The following CARF variants were observed in gnomAD, a reference collection of about 807,000 sequenced individuals.
The protein encoded by CARF is calcium-responsive transcription factor.
CARF carries 57 observed loss-of-function variants against 82.0 expected under a neutral mutation model. The ratio of observed to expected loss-of-function variants is 0.70; its 90% CI spans 0.56 to 0.87. The LOEUF is 0.87. Ranked by LOEUF, CARF falls within the 40% of genes least tolerant of loss-of-function variation. The pLI, the probability that CARF is intolerant of heterozygous loss-of-function variation, is 0.00. For synonymous variants in CARF, 268 were observed against 290.1 expected (o/e 0.92, Z 0.77); for missense variants, 771 against 855.8 (o/e 0.90, Z 1.24).
Position 202,986,887 on chromosome 2 carries a change from T to TGTATAC in CARF, c.*3263_*3264insGTATAC, listed in dbSNP as rs1553584599. 1 of 89,546 alleles carries TGTATAC rather than the reference T, an allele frequency of 1.1e-5. No individual in the cohort carries two copies. Among genetic ancestry groups the TGTATAC allele is most frequent in the South Asian group, 3.2e-4 (1 of 3,130 alleles). 5.5% of individuals were successfully genotyped at this position (89,546 alleles called of 1,614,324 possible). A position where few individuals can be genotyped will look rare whatever the true frequency, so the allele number is the denominator to read the frequency against. On this transcript the variant is annotated 3_prime_UTR_variant, in exon 17 of 17. Transcript: ENST00000438828. ...CTGTGCGTATATATATATATATATATATATATATATATATATATATAGCAA... is the reference window on the plus strand; with the variant it reads ...CTGTGCGTATATATATATATATATATGTATACATATATATATATATATATATAGCAA...
In CARF at chr2:202,942,946, G is replaced by A. The variant is rs1461661422; in HGVS notation, c.285G>A (p.Leu95=). 1 of 1,613,892 alleles carries A rather than the reference G, an allele frequency of 6.2e-7. No individual in the cohort carries two copies. The highest frequency in any genetic ancestry group is 1.7e-5 in the Admixed American group (1 of 59,972). The change falls in exon 5 of 17, where the codon TTG becomes TTA. Residue 95 remains leucine (L), a synonymous_variant. Coordinates refer to ENST00000438828, the MANE Select transcript of CARF (RefSeq NM_024744.17). ...CTATTCAATATGAACTTCAGTCATTGGGGGAATCCAATGCACAAATGGTGA... is the reference window on the plus strand; with the variant it reads ...CTATTCAATATGAACTTCAGTCATTAGGGGAATCCAATGCACAAATGGTGA... ...GQAIQYELQS[L]GESNAQMMIV... is the part of the protein sequence containing the mutation.
chr2:202,929,279 T>C (rs1296846554), intron 3 of CARF, among the ~76,000 whole-genome samples: 1 of 152,214 alleles, frequency 6.6e-6, no homozygotes, highest in Non-Finnish European at 1.5e-5. Flanking sequence ...CCTGAAGCAT[T>C]ACCCCTGTGT....
intron 16 of CARF, among the ~76,000 whole-genome samples, chr2:202,982,961 C>T (rs2060327202): frequency 6.6e-6 from 1 of 152,204 alleles, no homozygotes; most frequent in African/African-American, 2.4e-5. Flanking sequence ...TCACAGGTCA[C>T]TGCAGCCTTG....
chr2:202,941,922 C>T lies in CARF; in HGVS notation c.20C>T (p.Ser7Leu). The change falls in exon 4 of 17, where the codon TCA becomes TTA. Residue 7 changes from serine (S) to leucine (L), a missense_variant. By Grantham distance (145) the Ser-to-Leu change is moderately radical. Coordinates refer to ENST00000438828, the MANE Select transcript of CARF (RefSeq NM_024744.17). Reference sequence around the variant, plus strand: ...GTCAGCATGGAACAATCTAATGATTCATTAAGAGTCAACCATAATGACGGT... The same window carrying T: ...GTCAGCATGGAACAATCTAATGATTTATTAAGAGTCAACCATAATGACGGT... MEQSNDSLRVNHNDGEE... is the reference protein window; with the variant it reads MEQSNDLLRVNHNDGEE... 3 of 1,612,738 alleles carry T rather than the reference C, an allele frequency of 1.9e-6. No homozygotes were observed. The highest frequency in any genetic ancestry group is 2.5e-6 in the Non-Finnish European group (3 of 1,179,072).
chr2:202,916,393 G>A (rs1217799006), intron 1 of CARF, among the ~76,000 whole-genome samples: 8 of 151,964 alleles, frequency 5.3e-5, no homozygotes, highest in Admixed American at 5.2e-4. Context: ...ACGTTGGCCA[G>A]GATGGTCTCA....
intron 5 of CARF, among the ~76,000 whole-genome samples, chr2:202,944,013 AAGAAATAGAAAGTAATGG>A (rs1296704067): frequency 6.6e-6 from 1 of 152,166 alleles, no homozygotes; most frequent in Non-Finnish European, 1.5e-5. Flanking sequence ...TGTTTTCTTG[AAGAAATAGAAAGTAATGG>A]AGGTACTGCA....
rs1173607733 is a variant in CARF, at chr2:202,984,760, A to G, written c.*1136A>G. 1 of 152,178 alleles carries G rather than the reference A, an allele frequency of 6.6e-6. No homozygotes were observed. Among genetic ancestry groups the G allele is most frequent in the Non-Finnish European group, 1.5e-5 (1 of 68,036 alleles). 9.4% of individuals were successfully genotyped at this position (152,178 alleles called of 1,614,324 possible). ...TATTGATTATAAGCATCTGTTGTCT[A>G]AAGATTGGTACTAGGCTGGACATGG... On this transcript the variant is annotated 3_prime_UTR_variant, in exon 17 of 17. Coordinates refer to ENST00000438828, the MANE Select transcript of CARF (RefSeq NM_024744.17).
At chr2:202,968,359 G>A (rs953347771) in intron 10 of CARF, among the ~76,000 whole-genome samples, 8 of 152,048 alleles carry the variant, frequency 5.3e-5, no homozygotes, top group African/African-American at 9.7e-5. Context: ...CCGAGACTGC[G>A]CCACTGCACT....
At position 202,971,561 on chromosome 2, in the gene CARF, C is replaced by G. The variant is rs202084612; in HGVS notation, c.1154C>G (p.Pro385Arg). 791 of 1,613,558 alleles carry G rather than the reference C, an allele frequency of 4.9e-4. No homozygotes were observed. Among genetic ancestry groups the G allele is most frequent in the Non-Finnish European group, 6.1e-4 (714 of 1,179,758 alleles). ...QAHQYHELETPCLTLSPSPFP... is the reference protein window; with the variant it reads ...QAHQYHELETRCLTLSPSPFP... ...CATCAGTATCATGAATTAGAGACTC[C>G]CTGCCTCACTTTGTCACCTTCTCCT... The change falls in exon 12 of 17, where the codon CCC becomes CGC. Residue 385 changes from proline (P) to arginine (R), a missense_variant. Pro to Arg is a moderately radical substitution (Grantham distance 103). Coordinates refer to ENST00000438828, the MANE Select transcript of CARF (RefSeq NM_024744.17).
Position 202,917,210 on chromosome 2 carries a change from C to CAAAAAAAAAAAAAA in CARF, c.-329-654_-329-641dup, listed in dbSNP as rs71034203. Among the ~76,000 whole-genome samples the CAAAAAAAAAAAAAA allele has an allele frequency of 8.5e-5, 4 of 47,012 alleles. 1 individual carries two copies. Among genetic ancestry groups the CAAAAAAAAAAAAAA allele is most frequent in the Non-Finnish European group, 1.4e-4 (4 of 29,062 alleles). The allele number at this position is 47,012 out of a possible 152,430, so 30.8% of individuals were successfully genotyped here. A position where few individuals can be genotyped will look rare whatever the true frequency, so the allele number is the denominator to read the frequency against. On this transcript the variant is annotated intron_variant, in intron 1 of 16. Coordinates refer to ENST00000438828, the MANE Select transcript of CARF (RefSeq NM_024744.17). ...TGGGCGACAGAGCGAGACTCCGTCT[C>CAAAAAAAAAAAAAA]AAAAAAAAAAAAAAAAAAAAAAAAA... is the stretch of plus-strand genomic sequence containing the variant.
At chr2:202,935,203 TATA>T (rs972473066) in intron 3 of CARF, among the ~76,000 whole-genome samples, 48 of 141,774 alleles carry the variant, frequency 3.4e-4, no homozygotes, top group African/African-American at 1.2e-3. Flanking sequence ...ATATATAATA[TATA>T]ATATATTCAT....
Position 202,912,831 on chromosome 2 carries a change from T to C in CARF, c.-601T>C, listed in dbSNP as rs1233702308. 6.6e-6 allele frequency: 1 copy of C among 152,076 alleles called. No homozygotes were observed. The highest frequency in any genetic ancestry group is 1.9e-4 in the East Asian group (1 of 5,168). 9.4% of individuals were successfully genotyped at this position (152,076 alleles called of 1,614,324 possible). ...GCTTTTTAGGGTTCTTTTTCCGCTTTCTGAGCCCTTTTATACCTTACGTTT... is the reference window on the plus strand; with the variant it reads ...GCTTTTTAGGGTTCTTTTTCCGCTTCCTGAGCCCTTTTATACCTTACGTTT... On this transcript the variant is annotated 5_prime_UTR_variant, in exon 1 of 17. Transcript: ENST00000438828.
At chr2:202,916,667 TA>T (rs1246991606) in intron 1 of CARF, among the ~76,000 whole-genome samples, 2 of 152,208 alleles carry the variant, frequency 1.3e-5, no homozygotes, top group Admixed American at 6.5e-5. Context: ...AATAATATTT[TA>T]ATACACAGAA....
Position 202,952,362 on chromosome 2 carries a change from C to A in CARF, c.307-197C>A, listed in dbSNP as rs547717345. Reference sequence around the variant, plus strand: ...TAGGGTCAAATTGCCTGTTTTTAATCCTGGCTTCACCACTTATAAGTTGTG... The same window carrying A: ...TAGGGTCAAATTGCCTGTTTTTAATACTGGCTTCACCACTTATAAGTTGTG... On this transcript the variant is annotated intron_variant, in intron 5 of 16. Transcript: ENST00000438828. Among the ~76,000 whole-genome samples, 9 of 152,212 alleles carry A rather than the reference C, an allele frequency of 5.9e-5. No individual in the cohort carries two copies. In the South Asian group the frequency reaches 1.9e-3, roughly 32 times the overall value.
At chr2:202,914,537 G>T (rs530363579) in intron 1 of CARF, among the ~76,000 whole-genome samples, 2 of 152,064 alleles carry the variant, frequency 1.3e-5, no homozygotes, top group Non-Finnish European at 2.9e-5. Flanking sequence ...CCAGCATTTT[G>T]GGTGGCTGAG....
intron 3 of CARF, chr2:202,925,015 T>C (rs1308632628): frequency 7.5e-6 from 3 of 401,370 alleles, no homozygotes; most frequent in African/African-American, 6.2e-5. Context: ...GTGGATCCTT[T>C]TGCAGCAGCA....
At chr2:202,937,284 A>T (rs1464453749) in intron 3 of CARF, among the ~76,000 whole-genome samples, 1 of 151,884 alleles carries the variant, frequency 6.6e-6, no homozygotes, top group Non-Finnish European at 1.5e-5. Context: ...CATTTTTTTT[A>T]GTTCTATAGT....
At chr2:202,967,437 C>T (rs1417984542) in intron 10 of CARF, among the ~76,000 whole-genome samples, 1 of 152,156 alleles carries the variant, frequency 6.6e-6, no homozygotes. Flanking sequence ...TATGAATTCA[C>T]ATAGATTTAT....
intron 3 of CARF, among the ~76,000 whole-genome samples, chr2:202,932,647 T>TGCAGCA (rs374632298): frequency 4.0e-5 from 6 of 151,536 alleles, no homozygotes; most frequent in Non-Finnish European, 7.4e-5. Flanking sequence ...TGAGGCCAGT[T>TGCAGCA]GCAGCAGCAG....
Sources: gnomAD v4.1 joint callset for allele counts (sites outside exome capture counted in the v4.1 genomes callset) on GRCh38, gnomAD v4.1.1 for gene constraint, MANE v1.5 for transcripts, NCBI Gene and HGNC (gene_info 2026-07-23, HGNC 2026-07-21) for gene names.